The following CENPN variants were observed in gnomAD, a reference collection of about 807,000 sequenced individuals.
CENPN encodes interphase centromere complex protein 32.
A neutral mutation model predicts 48.6 loss-of-function variants in CENPN; 36 were observed. The ratio of observed to expected loss-of-function variants is 0.74; its 90% CI spans 0.57 to 0.98. The LOEUF is 0.98. Ranked by LOEUF, CENPN falls within the 50% of genes least tolerant of loss-of-function variation. CENPN has a pLI of 0.00. For synonymous variants in CENPN, 166 were observed against 135.2 expected, an observed-to-expected ratio of 1.23 and a Z score of -1.58; for missense variants, 439 against 399.2, an observed-to-expected ratio of 1.10 and a Z score of -0.85.
intron 5 of CENPN, among the ~76,000 whole-genome samples, chr16:81,018,980 C>G (rs1970051491): frequency 6.6e-6 from 1 of 152,146 alleles, no homozygotes; most frequent in African/African-American, 2.4e-5. Context: ...TATTAAATTC[C>G]AGACCAATTG....
At chr16:81,023,204 G>C in intron 7 of CENPN, 1 of 275,356 alleles carries the variant, frequency 3.6e-6, no homozygotes, top group Admixed American at 5.1e-5. Context: ...CAGATGCAGG[G>C]GTGTTTTTTC....
chr16:81,030,473 G>T lies in CENPN; in HGVS notation c.*1822G>T, dbSNP rs13333603. The stretch of plus-strand genomic sequence containing the variant: ...GAAAAATGACTTCACTCTGGGCCGG[G>T]TGTAGTGGCTCACGCCTGTAATCCT... On this transcript the variant is annotated 3_prime_UTR_variant, in exon 11 of 11. Transcript: ENST00000305850. 0.017 allele frequency: 15,026 copies of T among 889,890 alleles called. 985 individuals are homozygous for T. In the African/African-American group the frequency reaches 0.19, roughly 11 times the overall value. The allele number at this position is 889,890 out of a possible 1,614,324, so 55.1% of individuals were successfully genotyped here. A position where few individuals can be genotyped will look rare whatever the true frequency, so the allele number is the denominator to read the frequency against.
chr16:81,028,426 C>T, intron 10 of CENPN, 129 bp downstream of exon 10: 1 of 1,462,690 alleles, frequency 6.8e-7, no homozygotes, highest in Non-Finnish European at 9.3e-7. Context: ...CTCTCTCTTG[C>T]ATCTTCTGCT....
chr16:81,029,374 A>G lies in CENPN; in HGVS notation c.*723A>G. 1 of 879,790 alleles carries G rather than the reference A, an allele frequency of 1.1e-6. No homozygotes were observed. The highest frequency in any genetic ancestry group is 1.2e-4 in the East Asian group (1 of 8,306). 54.5% of individuals were successfully genotyped at this position (879,790 alleles called of 1,614,324 possible). On this transcript the variant is annotated 3_prime_UTR_variant, in exon 11 of 11. Coordinates refer to ENST00000305850, the MANE Select transcript of CENPN (RefSeq NM_001100624.3). ...CATCACTAAATACCCTATCTTTTTA[A>G]AAATTTTTTCCTTTCTAATTTTTTA...
chr16:81,019,810 C>T (rs1970096852), intron 5 of CENPN, among the ~76,000 whole-genome samples: 1 of 150,882 alleles, frequency 6.6e-6, no homozygotes, highest in South Asian at 2.1e-4. Flanking sequence ...GAAGTTGAGG[C>T]TGCCGTGAGC....
chr16:81,018,546 A>G (rs1428220383), intron 5 of CENPN, among the ~76,000 whole-genome samples: 1 of 152,194 alleles, frequency 6.6e-6, no homozygotes, highest in Non-Finnish European at 1.5e-5. Flanking sequence ...AGTTCCAGTA[A>G]TAGTCAGTGC....
chr16:81,008,747 C>G (rs1353934675), intron 1 of CENPN, among the ~76,000 whole-genome samples: 1 of 152,208 alleles, frequency 6.6e-6, no homozygotes, highest in East Asian at 1.9e-4. Flanking sequence ...AAGTATTTAT[C>G]AAAGACACAT....
intron 3 of CENPN, chr16:81,016,744 A>AGAGC: frequency 6.5e-6 from 1 of 152,792 alleles, no homozygotes; most frequent in Non-Finnish European, 1.5e-5. Context: ...CCTGGGCAAC[A>AGAGC]AGGGTGAAAC....
intron 8 of CENPN, 103 bp from the exon 9 acceptor site, chr16:81,026,423 T>A: frequency 2.0e-6 from 1 of 498,572 alleles, no homozygotes; most frequent in East Asian, 3.3e-5. Context: ...AATATTATTT[T>A]AAAATTATAC....
rs769639146 is a variant in CENPN, at chr16:81,028,401, T to C, written c.937+104T>C. 1.4e-4 allele frequency: 217 copies of C among 1,499,438 alleles called. 1 individual carries two copies. In the Middle Eastern group the frequency reaches 1.8e-3, roughly 12 times the overall value. 92.9% of individuals were successfully genotyped at this position (1,499,438 alleles called of 1,614,324 possible). ...TCTGAGCTCACCCATCACCCTAGTC[T>C]GCTAGCCCATCCTGCTCTCTCTTGC... On this transcript the variant is annotated intron_variant, in intron 10 of 10. Transcript: ENST00000305850.
downstream of CENPN, chr16:81,032,464 C>T: frequency 1.7e-6 from 2 of 1,163,784 alleles, no homozygotes; most frequent in South Asian, 1.4e-5. Context: ...GGAATCATCA[C>T]TCTGATGCCT....
At position 81,012,002 on chromosome 16, in the gene CENPN, G is replaced by C. The variant is rs745836842; in HGVS notation, c.63G>C (p.Leu21=). 7 of 1,613,958 alleles carry C rather than the reference G, an allele frequency of 4.3e-6. No homozygotes were observed. The highest frequency in any genetic ancestry group is 2.7e-5 in the African/African-American group (2 of 74,902). The change falls in exon 2 of 11, where the codon CTG becomes CTC. Residue 21 remains leucine (L), a synonymous_variant. Transcript: ENST00000305850. The part of the protein sequence containing the change: ...RTILKIPMNE[L]TTILKAWDFL... ...TCTTGAAAATCCCCATGAATGAACT[G>C]ACAACAATCCTGAAGGCCTGGGATT...
rs1419007599 is a variant in CENPN, at chr16:81,026,623, A to G, written c.795A>G (p.Glu265=). ...GAGATTATCCTCAACCACAACTAGA[A>G]TTTGCACAATATAAGGTAAGATGTC... ...TFGDYPQPQL[E]FAQYKLETKF... Residue 265 remains glutamate (E), a synonymous_variant, in exon 9 of 11, where the codon GAA becomes GAG. Transcript: ENST00000305850. 3 of 1,561,804 alleles carry G rather than the reference A, an allele frequency of 1.9e-6. No homozygotes were observed. The African/African-American group carries it at 4.1e-5, about 21-fold the overall frequency.
Position 81,017,814 on chromosome 16 carries a change from C to G in CENPN, c.334C>G (p.Leu112Val). 6.4e-7 allele frequency: 1 copy of G among 1,563,580 alleles called. No homozygotes were observed. Among genetic ancestry groups the G allele is most frequent in the African/African-American group, 1.4e-5 (1 of 72,978 alleles). Residue 112 changes from leucine (L) to valine (V), a missense_variant, in exon 5 of 11, where the codon CTT becomes GTT. Physicochemically the swap from Leu to Val is conservative, Grantham distance 32. Transcript: ENST00000305850. Reference sequence around the variant, plus strand: ...ATTTAAAAATTCGTTCAAGAAAATTCTTCAGAGAGCATTAAAAAATGTAAG... The same window carrying G: ...ATTTAAAAATTCGTTCAAGAAAATTGTTCAGAGAGCATTAAAAAATGTAAG... ...KQFKNSFKKI[L>V]QRALKNVTVS...
At chr16:81,014,601 C>T (rs1183306069) in intron 3 of CENPN, among the ~76,000 whole-genome samples, 2 of 152,038 alleles carry the variant, frequency 1.3e-5, no homozygotes, top group Non-Finnish European at 2.9e-5. Flanking sequence ...GTCACTCAGC[C>T]GTATGTTCTT....
At chr16:81,019,268 A>T (rs1970070491) in intron 5 of CENPN, among the ~76,000 whole-genome samples, 1 of 151,802 alleles carries the variant, frequency 6.6e-6, no homozygotes, top group African/African-American at 2.4e-5. Context: ...CCAGGCTGGA[A>T]TGCACTGACA....
At chr16:81,007,940 C>G (rs1184320665) in intron 1 of CENPN, among the ~76,000 whole-genome samples, 1 of 152,034 alleles carries the variant, frequency 6.6e-6, no homozygotes, top group African/African-American at 2.4e-5. Flanking sequence ...AACCCCGTCT[C>G]TACTAAAAAT....
At chr16:81,010,769 T>TAAA (rs1466169457) in intron 1 of CENPN, among the ~76,000 whole-genome samples, 3 of 152,222 alleles carry the variant, frequency 2.0e-5, no homozygotes, top group African/African-American at 7.2e-5. Flanking sequence ...AGTTCCCTGG[T>TAAA]AAAAACCTTG....
In CENPN at chr16:81,025,689, C is replaced by CTTTTTT. The variant is rs761078576; in HGVS notation, c.698-836_698-835insTTTTTT. 2.4e-4 allele frequency among the ~76,000 whole-genome samples: 32 copies of CTTTTTT among 135,218 alleles called. 9 individuals carry two copies. Among genetic ancestry groups the CTTTTTT allele is most frequent in the African/African-American group, 8.8e-4 (30 of 33,984 alleles). The allele number at this position is 135,218 out of a possible 152,430, so 88.7% of individuals were successfully genotyped here. A position where few individuals can be genotyped will look rare whatever the true frequency, so the allele number is the denominator to read the frequency against. On this transcript the variant is annotated intron_variant, in intron 8 of 10. Coordinates refer to ENST00000305850, the MANE Select transcript of CENPN (RefSeq NM_001100624.3). ...TGGGCAACATAGTGAGACCCTGTCT[C>CTTTTTT]TCTTTTTTTTTTTTTTTTTTTTTTT...
Sources: allele counts gnomAD v4.1 joint callset (sites outside exome capture counted in the v4.1 genomes callset), GRCh38; gene constraint gnomAD v4.1.1; transcripts MANE v1.5; gene names NCBI Gene and HGNC (gene_info 2026-07-23, HGNC 2026-07-21).